Variants in TRAP1 observed in about 807,000 individuals in gnomAD.
The protein encoded by TRAP1 is heat shock protein 75 kDa, mitochondrial.
In TRAP1, 102 loss-of-function variants were observed where a neutral mutation model predicts 89.1. The ratio of observed to expected loss-of-function variants is 1.15; its 90% CI spans 0.98 to 1.35. The LOEUF (loss-of-function observed/expected upper bound fraction) is 1.35. Ranked by LOEUF, TRAP1 falls within the 40% of genes most tolerant of loss-of-function variation. TRAP1 has a pLI of 0.00. For missense variants in TRAP1, 1,256 were observed against 945.3 expected (o/e 1.33, Z -4.31); for synonymous variants, 508 against 388.0 (o/e 1.31, Z -3.64).
intron 1 of TRAP1, among the ~76,000 whole-genome samples, chr16:3,710,780 T>C (rs995991436): frequency 1.3e-5 from 2 of 151,922 alleles, no homozygotes; most frequent in Admixed American, 6.6e-5. Context: ...CTCAGCAGCA[T>C]TGCTGAATAG....
chr16:3,714,429 G>A (rs2051570920), intron 1 of TRAP1, among the ~76,000 whole-genome samples: 1 of 152,168 alleles, frequency 6.6e-6, no homozygotes, highest in South Asian at 2.1e-4. Context: ...GGGAGGCCAA[G>A]GCTAGTGGAT....
chr16:3,706,809 A>G (rs2051453656), intron 1 of TRAP1, among the ~76,000 whole-genome samples: 2 of 152,010 alleles, frequency 1.3e-5, no homozygotes, highest in Admixed American at 1.3e-4. Context: ...TTTTCGGGTT[A>G]TTATGAATAA....
chr16:3,670,710 A>C (rs2050901728), intron 11 of TRAP1, among the ~76,000 whole-genome samples: 1 of 152,172 alleles, frequency 6.6e-6, no homozygotes, highest in Admixed American at 6.5e-5. Flanking sequence ...CAGTCAACCA[A>C]TAAAACATCA....
chr16:3,664,697 C>A, intron 12 of TRAP1: 1 of 517,826 alleles, frequency 1.9e-6, no homozygotes, highest in Non-Finnish European at 3.4e-6. Flanking sequence ...GGCCCAGGGG[C>A]TCTCCAGGGA....
chr16:3,715,658 G>C (rs2051589069), intron 1 of TRAP1, among the ~76,000 whole-genome samples: 1 of 151,840 alleles, frequency 6.6e-6, no homozygotes, highest in Non-Finnish European at 1.5e-5. Flanking sequence ...CAAATTAACA[G>C]AACAGTTGGC....
intron 1 of TRAP1, among the ~76,000 whole-genome samples, chr16:3,694,014 A>G (rs2051252989): frequency 6.6e-6 from 1 of 151,792 alleles, no homozygotes; most frequent in Non-Finnish European, 1.5e-5. Flanking sequence ...AAAAAAAAAA[A>G]AAAGGTCCCA....
At chr16:3,714,686 G>T (rs2051574508) in intron 1 of TRAP1, among the ~76,000 whole-genome samples, 1 of 152,044 alleles carries the variant, frequency 6.6e-6, no homozygotes, top group Non-Finnish European at 1.5e-5. Flanking sequence ...ATATTCTGAG[G>T]GCAAGTGACA....
intron 1 of TRAP1, among the ~76,000 whole-genome samples, chr16:3,710,633 T>C (rs1053817832): frequency 6.6e-6 from 1 of 152,130 alleles, no homozygotes; most frequent in African/African-American, 2.4e-5. Flanking sequence ...GAACATTCCA[T>C]TGCCTGACAA....
chr16:3,668,395 T>G (rs1407259694), intron 11 of TRAP1, among the ~76,000 whole-genome samples: 1 of 152,150 alleles, frequency 6.6e-6, no homozygotes, highest in Non-Finnish European at 1.5e-5. Flanking sequence ...AATGAATGTA[T>G]TGAGAGTTTC....
intron 16 of TRAP1, 148 bp downstream of exon 16, chr16:3,661,839 C>T: frequency 9.2e-7 from 1 of 1,088,502 alleles, no homozygotes. Context: ...ATGGGTGCAG[C>T]CTAAACTGCA....
chr16:3,667,309 T>C (rs954925227), intron 11 of TRAP1, among the ~76,000 whole-genome samples: 3 of 151,980 alleles, frequency 2.0e-5, no homozygotes, highest in African/African-American at 4.8e-5. Context: ...TGGAGGGGGA[T>C]TGGTCAAATG....
At chr16:3,710,321 A>T (rs1035429031) in intron 1 of TRAP1, 8 of 152,244 alleles carry the variant, frequency 5.3e-5, no homozygotes, top group Admixed American at 2.0e-4. Context: ...AGGAGAGAAC[A>T]GGGCTCCAGA....
At position 3,690,848 on chromosome 16, in the gene TRAP1, T is replaced by A. The variant is rs1424287248; in HGVS notation, c.226A>T (p.Ser76Cys). Residue 76 changes from serine to cysteine, a missense_variant, in exon 2 of 18, where the codon AGC becomes TGC. By Grantham distance (112) the Ser-to-Cys change is moderately radical (BLOSUM62 -1). Coordinates refer to ENST00000246957, the MANE Select transcript of TRAP1 (RefSeq NM_016292.3). ...DKEEPLHSII[S>C]STESVQGSTS... ...CTACCCTGCACGCTCTCTGTGCTGC[T>A]GATAATCGAGTGCAGGGGTTCCTCC... 4 of 1,548,614 alleles carry A rather than the reference T, an allele frequency of 2.6e-6. No homozygotes were observed. The African/African-American group carries it at 5.6e-5, about 22-fold the overall frequency.
intron 4 of TRAP1, 125 bp downstream of exon 4, chr16:3,685,871 G>T: frequency 8.1e-7 from 1 of 1,238,566 alleles, no homozygotes; most frequent in Non-Finnish European, 1.1e-6. Flanking sequence ...CTAAATTATA[G>T]CCAGAGTTAT....
At chr16:3,706,619 C>T (rs1056888176) in intron 1 of TRAP1, among the ~76,000 whole-genome samples, 3 of 151,870 alleles carry the variant, frequency 2.0e-5, no homozygotes, top group African/African-American at 4.8e-5. Context: ...GCCACCACAC[C>T]CAGCAATTTT....
At chr16:3,691,974 G>C (rs116465634) in intron 1 of TRAP1, among the ~76,000 whole-genome samples, 2,594 of 152,156 alleles carry the variant, frequency 0.017, 64 homozygotes, top group African/African-American at 0.057. Context: ...CGCAGGCCCA[G>C]AAACCAGACA....
chr16:3,701,044 T>C (rs1046651156), intron 1 of TRAP1, among the ~76,000 whole-genome samples: 1 of 152,196 alleles, frequency 6.6e-6, no homozygotes, highest in African/African-American at 2.4e-5. Context: ...CCTAATTACA[T>C]GCTATCTACA....
At chr16:3,676,463 TG>T (rs1392170000) in intron 6 of TRAP1, 3 of 202,846 alleles carry the variant, frequency 1.5e-5, no homozygotes, top group Non-Finnish European at 2.9e-5. Context: ...TGTGGGGGAC[TG>T]GCCCAGCTCC....
chr16:3,677,785 TC>T, intron 5 of TRAP1, 127 bp from the exon 6 acceptor site: 1 of 1,097,726 alleles, frequency 9.1e-7, no homozygotes, highest in Non-Finnish European at 1.3e-6. Context: ...CGAGTACTTT[TC>T]CACCCCATTC....
Sources: allele counts gnomAD v4.1 joint callset (sites outside exome capture counted in the v4.1 genomes callset), GRCh38; gene constraint gnomAD v4.1.1; transcripts MANE v1.5; gene names NCBI Gene and HGNC (gene_info 2026-07-23, HGNC 2026-07-21).